The following ACADS variants were observed in gnomAD, a reference collection of about 807,000 sequenced individuals.
ACADS encodes short-chain specific acyl-CoA dehydrogenase, mitochondrial.
In ACADS, 28 loss-of-function variants were observed where a neutral mutation model predicts 46.8. The observed-to-expected ratio is 0.60, with a 90% CI of 0.44 to 0.82. The LOEUF (loss-of-function observed/expected upper bound fraction) is 0.82. Ranked by LOEUF, ACADS falls within the 40% of genes least tolerant of loss-of-function variation. The pLI is 0.00. For missense variants in ACADS, 528 were observed against 578.0 expected (o/e 0.91, Z 0.89); for synonymous variants, 236 against 237.7 (o/e 0.99, Z 0.07).
chr12:120,730,885 A>G (rs1428205932), intron 2 of ACADS, among the ~76,000 whole-genome samples: 2 of 152,198 alleles, frequency 1.3e-5, no homozygotes, highest in Admixed American at 6.5e-5. Flanking sequence ...AGCTAGAGAA[A>G]AAGGCTTTTG....
At chr12:120,737,263 G>A (rs766846832) in intron 3 of ACADS, 93 bp from the exon 4 acceptor site, 19 of 1,532,088 alleles carry the variant, frequency 1.2e-5, no homozygotes, top group Admixed American at 3.9e-5. Context: ...TACTGGGTAG[G>A]CCCTGGACAG....
At chr12:120,726,039 C>G (rs1399963787) in intron 1 of ACADS, 108 bp downstream of exon 1, 11 of 1,194,914 alleles carry the variant, frequency 9.2e-6, no homozygotes, top group Non-Finnish European at 1.2e-5. Flanking sequence ...CGGAGCCCCA[C>G]TCCGGGAGCG....
intron 4 of ACADS, 26 bp from the exon 5 acceptor site, chr12:120,737,811 G>C (rs758446309): frequency 6.2e-7 from 1 of 1,613,630 alleles, no homozygotes; most frequent in South Asian, 1.1e-5. Context: ...TGGGGCGTGC[G>C]CTGAGCCCTG....
Position 120,725,851 on chromosome 12 carries a change from G to C in ACADS, c.-35G>C. On this transcript the variant is annotated 5_prime_UTR_variant, in exon 1 of 10. Coordinates refer to ENST00000242592, the MANE Select transcript of ACADS (RefSeq NM_000017.4). Reference sequence around the variant, plus strand: ...ACTCCGGAACAGCGCGCTCGCAGCGGGAGGTCGCGAAGCCTGGGACTGTGT... The same window carrying C: ...ACTCCGGAACAGCGCGCTCGCAGCGCGAGGTCGCGAAGCCTGGGACTGTGT... 6.5e-7 allele frequency: 1 copy of C among 1,532,636 alleles called. No homozygotes were observed. The highest frequency in any genetic ancestry group is 1.4e-5 in the African/African-American group (1 of 71,134). 94.9% of individuals were successfully genotyped at this position (1,532,636 alleles called of 1,614,324 possible).
intron 2 of ACADS, 84 bp downstream of exon 2, chr12:120,727,273 C>A: frequency 6.4e-7 from 1 of 1,571,584 alleles, no homozygotes; most frequent in South Asian, 1.1e-5. Flanking sequence ...CAGCGGCACT[C>A]GGACTCTGGT....
rs1396303324 is a variant in ACADS at position 120,727,149 on chromosome 12, C to T, written c.170C>T (p.Ala57Val). 1.2e-6 allele frequency: 2 copies of T among 1,614,082 alleles called. No homozygotes were observed. The highest frequency in any genetic ancestry group is 1.3e-5 in the African/African-American group (1 of 74,922). ...DFAEKELFPI[A>V]AQVDKEHLFP... ...GCCGAGAAGGAGTTGTTTCCCATTG[C>T]AGCCCAGGTGGATAAGGAACATCTC... Residue 57 changes from alanine to valine, a missense_variant, in exon 2 of 10, where the codon GCA (alanine) becomes GTA (valine). Physicochemically the swap from Ala to Val is moderately conservative, Grantham distance 64 (BLOSUM62 0). Transcript: ENST00000242592.
intron 6 of ACADS, 40 bp from the exon 7 acceptor site, chr12:120,738,493 G>GC: frequency 6.2e-7 from 1 of 1,605,522 alleles, no homozygotes; most frequent in Non-Finnish European, 8.5e-7. Flanking sequence ...CCAGGCCCGC[G>GC]CCCCGGCTGG....
At position 120,727,111 on chromosome 12, in the gene ACADS, A is replaced by G. The variant is rs778765860; in HGVS notation, c.132A>G (p.Thr44=). ...LPETHQMLLQ[T]CRDFAEKELF... ...AGACACACCAGATGTTGCTCCAGAC[A>G]TGCCGGGACTTTGCCGAGAAGGAGT... The change falls in exon 2 of 10, where the codon ACA becomes ACG. Residue 44 remains threonine (T), a synonymous_variant. Transcript: ENST00000242592. 6 of 1,614,186 alleles carry G rather than the reference A, an allele frequency of 3.7e-6. No individual in the cohort carries two copies. The highest frequency in any genetic ancestry group is 5.1e-6 in the Non-Finnish European group (6 of 1,179,996).
rs80193844 is a variant in ACADS at position 120,727,359 on chromosome 12, C to A, written c.210+170C>A. ...CCCTTGTCCAGCCTGTGGCCAGTAG[C>A]CAGGACTTAACTTCTGGGACAACAG... On this transcript the variant is annotated intron_variant, in intron 2 of 9. Coordinates refer to ENST00000242592, the MANE Select transcript of ACADS (RefSeq NM_000017.4). 4.9e-3 allele frequency among the ~76,000 whole-genome samples: 750 copies of A among 152,292 alleles called. 16 individuals carry two copies. Among genetic ancestry groups the A allele is most frequent in the Non-Finnish European group, 3.7e-3 (249 of 68,030 alleles).
chr12:120,738,057 C>T, intron 5 of ACADS, 69 bp downstream of exon 5: 1 of 1,607,162 alleles, frequency 6.2e-7, no homozygotes, highest in East Asian at 2.2e-5. Context: ...AGGGCCTTCT[C>T]TCCTTGGCCC....
chr12:120,735,348 TAAAAAAAAAAAAA>T (rs756263687), intron 2 of ACADS, among the ~76,000 whole-genome samples: 1 of 72,244 alleles, frequency 1.4e-5, no homozygotes, highest in Admixed American at 1.8e-4. Flanking sequence ...GCGCAGTCCT[TAAAAAAAAAAAAA>T]AAAAAAAAAA....
Position 120,737,880 on chromosome 12 carries a change from C to T in ACADS, c.516C>T (p.Ala172=), listed in dbSNP as rs531683812. 1.8e-4 allele frequency: 296 copies of T among 1,614,018 alleles called. 2 individuals carry two copies. The South Asian group carries it at 3.1e-3, about 17-fold the overall frequency. Residue 172 remains alanine (A), a synonymous_variant, in exon 5 of 10, where the codon GCC becomes GCT. Transcript: ENST00000242592. ...GAGCTGCGTCCACCACCGCCCGGGC[C>T]GAGGGCGACTCATGGGTTCTGAATG... The part of the protein sequence containing the change: ...DAGAASTTAR[A]EGDSWVLNGT...
intron 4 of ACADS, 57 bp downstream of exon 4, chr12:120,737,524 G>A (rs1205055168): frequency 1.1e-5 from 16 of 1,504,814 alleles, no homozygotes; most frequent in Non-Finnish European, 1.5e-5. Flanking sequence ...GGGGAGGAGA[G>A]GAAGGTGCTA....
rs1883593008 is a variant in ACADS, at chr12:120,739,545, C to T, written c.*97C>T. The T allele has an allele frequency of 1.4e-6, 2 of 1,450,240 alleles. No individual in the cohort carries two copies. Among genetic ancestry groups the T allele is most frequent in the Non-Finnish European group, 1.9e-6 (2 of 1,072,946 alleles). 89.8% of individuals were successfully genotyped at this position (1,450,240 alleles called of 1,614,324 possible). ...GAGACTGGGCGGCCCGGCGGGGGCT[C>T]CCTGGGGACCCCAGATGGGCTCAGT... On this transcript the variant is annotated 3_prime_UTR_variant, in exon 10 of 10. Coordinates refer to ENST00000242592, the MANE Select transcript of ACADS (RefSeq NM_000017.4).
intron 8 of ACADS, 63 bp downstream of exon 8, chr12:120,738,978 T>TG (rs979058757): frequency 4.4e-6 from 7 of 1,603,680 alleles, no homozygotes; most frequent in East Asian, 2.2e-5. Flanking sequence ...GGGGAGAGGT[T>TG]GGGGCGGGTC....
In ACADS at chr12:120,739,710, G is replaced by A. The variant is rs1883598071; in HGVS notation, c.*262G>A. 4 of 546,008 alleles carry A rather than the reference G, an allele frequency of 7.3e-6. No individual in the cohort carries two copies. The Admixed American group carries it at 9.4e-5, about 13-fold the overall frequency. The allele number at this position is 546,008 out of a possible 1,614,324, so 33.8% of individuals were successfully genotyped here. ...CTGGCCTCCTGGGGGCGGGGTTGTG[G>A]GGGGGCTGAGCGACACTCAGGGACA... On this transcript the variant is annotated 3_prime_UTR_variant, in exon 10 of 10. Coordinates refer to ENST00000242592, the MANE Select transcript of ACADS (RefSeq NM_000017.4).
At chr12:120,736,029 C>G (rs1458328892) in intron 2 of ACADS, among the ~76,000 whole-genome samples, 1 of 149,504 alleles carries the variant, frequency 6.7e-6, no homozygotes, top group Non-Finnish European at 1.5e-5. Context: ...GTCCCCGTCC[C>G]TGTCCCTGTC....
chr12:120,729,587 G>A (rs537694862), intron 2 of ACADS, among the ~76,000 whole-genome samples: 4 of 152,054 alleles, frequency 2.6e-5, no homozygotes, highest in Non-Finnish European at 5.9e-5. Context: ...TGACTGTCTC[G>A]TCTCTTCCCT....
At chr12:120,738,702 G>A in intron 7 of ACADS, 32 bp downstream of exon 7, 1 of 1,610,018 alleles carries the variant, frequency 6.2e-7, no homozygotes, top group Non-Finnish European at 8.5e-7. Flanking sequence ...GCTGGGCCTA[G>A]AGGCTGGACA....
Sources: gnomAD v4.1 joint callset for allele counts (sites outside exome capture counted in the v4.1 genomes callset) on GRCh38, gnomAD v4.1.1 for gene constraint, MANE v1.5 for transcripts, NCBI Gene and HGNC (gene_info 2026-07-23, HGNC 2026-07-21) for gene names.